MARK3: variants seen among roughly 807,000 people sequenced by gnomAD.
MARK3 encodes MAP/microtubule affinity-regulating kinase 3.
MARK3 carries 46 observed loss-of-function variants against 90.1 expected under a neutral mutation model. The observed-to-expected ratio is 0.51, with a 90% confidence interval of 0.40 to 0.65. MARK3 has a LOEUF of 0.65. MARK3 is among the 30% of genes least tolerant of loss of function. The pLI is 0.00. For synonymous variants in MARK3, 321 were observed against 332.6 expected (o/e 0.97, Z 0.38); for missense variants, 818 against 947.2 (o/e 0.86, Z 1.79).
chr14:103,435,699 C>T (rs1167392865), intron 3 of MARK3, among the ~76,000 whole-genome samples: 2 of 152,058 alleles, frequency 1.3e-5, no homozygotes, highest in African/African-American at 2.4e-5. Context: ...TGAGCCACCA[C>T]GCCCGGCCTA....
intron 14 of MARK3, among the ~76,000 whole-genome samples, chr14:103,482,857 T>C (rs2093851335): frequency 6.6e-6 from 1 of 152,226 alleles, no homozygotes; most frequent in Non-Finnish European, 1.5e-5. Flanking sequence ...AACTCTTTCA[T>C]ATCCTGACCT....
chr14:103,456,914 TTAAG>T (rs1270274965), intron 5 of MARK3, among the ~76,000 whole-genome samples: 6 of 152,370 alleles, frequency 3.9e-5, no homozygotes, highest in African/African-American at 1.4e-4. Context: ...GTTATATAAT[TTAAG>T]TATAGGGAAT....
At chr14:103,412,204 C>A in intron 2 of MARK3, 1 of 1,074,326 alleles carries the variant, frequency 9.3e-7, no homozygotes, top group Non-Finnish European at 1.4e-6. Flanking sequence ...GCAGTGACAC[C>A]AAGAAGTTAA....
intron 14 of MARK3, among the ~76,000 whole-genome samples, chr14:103,481,373 A>G (rs991201625): frequency 6.6e-6 from 1 of 152,228 alleles, no homozygotes; most frequent in Admixed American, 6.5e-5. Context: ...TACTTTCTGC[A>G]GTTACGGTGT....
chr14:103,431,975 T>C (rs765349836), intron 3 of MARK3, among the ~76,000 whole-genome samples: 11 of 139,792 alleles, frequency 7.9e-5, no homozygotes, highest in East Asian at 2.0e-4. Context: ...TTGGAATTGT[T>C]TCCCCCCTCC....
chr14:103,447,334 C>T (rs755864903), intron 3 of MARK3, among the ~76,000 whole-genome samples: 22 of 152,164 alleles, frequency 1.4e-4, no homozygotes, highest in Non-Finnish European at 3.1e-4. Context: ...AAATCTGGTC[C>T]ATGTCCATCT....
chr14:103,495,058 GTATATT>G (rs2075264235), intron 15 of MARK3, among the ~76,000 whole-genome samples: 1 of 152,068 alleles, frequency 6.6e-6, no homozygotes, highest in Non-Finnish European at 1.5e-5. Flanking sequence ...TGTGAAATGA[GTATATT>G]TATACACATG....
intron 12 of MARK3, among the ~76,000 whole-genome samples, chr14:103,473,681 T>C (rs2093667204): frequency 6.6e-6 from 1 of 152,194 alleles, no homozygotes; most frequent in South Asian, 2.1e-4. Flanking sequence ...TAGATTTTTG[T>C]CCAAGAACTA....
chr14:103,476,278 G>A (rs578215825), intron 13 of MARK3, among the ~76,000 whole-genome samples: 1 of 152,346 alleles, frequency 6.6e-6, no homozygotes, highest in African/African-American at 2.4e-5. Flanking sequence ...GGGGAGGTCT[G>A]ACTGCCAGTG....
At chr14:103,482,128 T>C (rs1401599760) in intron 14 of MARK3, among the ~76,000 whole-genome samples, 3 of 152,134 alleles carry the variant, frequency 2.0e-5, no homozygotes, top group Non-Finnish European at 4.4e-5. Context: ...TTCTTAACTT[T>C]CAAATTTCTT....
chr14:103,461,137 T>C (rs1049049981), intron 6 of MARK3, among the ~76,000 whole-genome samples: 1 of 152,230 alleles, frequency 6.6e-6, no homozygotes, highest in Non-Finnish European at 1.5e-5. Context: ...GAGTTGATGA[T>C]GATTTGGAGG....
rs113805297 is a variant in MARK3, at chr14:103,454,009, G to T, written c.412+2026G>T. ...GGTCACAGAGATTACTCATATAGGG[G>T]CAAGACAAAAACATCTAAGAGTCAT... On this transcript the variant is annotated intron_variant, in intron 5 of 17. Transcript: ENST00000429436. Among the ~76,000 whole-genome samples the T allele has an allele frequency of 1.3e-3, 205 of 152,272 alleles. 1 individual carries two copies. Among genetic ancestry groups the T allele is most frequent in the African/African-American group, 4.7e-3 (196 of 41,544 alleles).
At chr14:103,413,822 G>A (rs1302189372) in intron 2 of MARK3, among the ~76,000 whole-genome samples, 1 of 151,992 alleles carries the variant, frequency 6.6e-6, no homozygotes, top group Non-Finnish European at 1.5e-5. Flanking sequence ...TTTGAAACTG[G>A]CTTCTTCTCA....
intron 2 of MARK3, among the ~76,000 whole-genome samples, chr14:103,427,345 C>T (rs1417533536): frequency 6.6e-6 from 1 of 151,246 alleles, no homozygotes; most frequent in Non-Finnish European, 1.5e-5. Flanking sequence ...ACTAAAAATA[C>T]AAAATTAGCC....
chr14:103,397,308 G>A (rs1231651914), intron 1 of MARK3, among the ~76,000 whole-genome samples: 3 of 149,898 alleles, frequency 2.0e-5, no homozygotes, highest in African/African-American at 4.9e-5. Flanking sequence ...TTGACTAGCC[G>A]AAAGTTACTG....
chr14:103,495,392 A>G (rs950533450), intron 15 of MARK3, among the ~76,000 whole-genome samples: 2 of 151,926 alleles, frequency 1.3e-5, no homozygotes, highest in East Asian at 3.9e-4. Context: ...AGGCAAGAGG[A>G]TGGCTTGAAC....
intron 1 of MARK3, among the ~76,000 whole-genome samples, chr14:103,397,807 T>G (rs1047681160): frequency 6.6e-6 from 1 of 152,218 alleles, no homozygotes; most frequent in African/African-American, 2.4e-5. Flanking sequence ...CCCCTTCCTA[T>G]TCATATTCTT....
intron 6 of MARK3, 132 bp from the exon 7 acceptor site, chr14:103,462,273 T>G (rs2093416925): frequency 1.8e-6 from 1 of 567,136 alleles, no homozygotes; most frequent in South Asian, 3.4e-5. Flanking sequence ...ATAGGAAAAT[T>G]GTTTTTAGAA....
intron 13 of MARK3, among the ~76,000 whole-genome samples, chr14:103,478,294 CAA>C (rs745554491): frequency 1.4e-3 from 176 of 125,206 alleles, no homozygotes; most frequent in African/African-American, 3.0e-3. Context: ...GGCTCCATCT[CAA>C]AAAAAAAAAA....
Sources: gnomAD v4.1 joint callset for allele counts (sites outside exome capture counted in the v4.1 genomes callset) on GRCh38, gnomAD v4.1.1 for gene constraint, MANE v1.5 for transcripts, NCBI Gene and HGNC (gene_info 2026-07-23, HGNC 2026-07-21) for gene names.